The following SAXO1 variants were observed in gnomAD, a reference collection of about 807,000 sequenced individuals.
SAXO1 encodes 4930500O09Rik.
In SAXO1, 21 loss-of-function variants were observed where a neutral mutation model predicts 17.5. The observed-to-expected ratio is 1.20, with a 90% confidence interval of 0.85 to 1.72. SAXO1 has a LOEUF of 1.72. Ranked by LOEUF, SAXO1 falls within the 40% of genes most tolerant of loss-of-function variation. The pLI, the probability that SAXO1 is intolerant of heterozygous loss-of-function variation, is 0.00. For missense variants in SAXO1, 843 were observed against 596.0 expected (o/e 1.41, Z -4.32); for synonymous variants, 274 against 216.5 (o/e 1.27, Z -2.33).
rs535486604 is a variant in SAXO1 at position 19,002,616 on chromosome 9, C to T, written c.38+30255G>A. Among the ~76,000 whole-genome samples the T allele has an allele frequency of 2.0e-5, 3 of 152,314 alleles. No individual in the cohort carries two copies. The East Asian group carries it at 5.8e-4, about 29-fold the overall frequency. On this transcript the variant is annotated intron_variant, in intron 1 of 3. Transcript: ENST00000380534. The stretch of plus-strand genomic sequence containing the variant: ...AGGCAAATTAATAAATGCAATCCAT[C>T]ACATGAACAGAACCAAAGACAAAAA...
chr9:18,966,870 C>A (rs1365041357), intron 1 of SAXO1, among the ~76,000 whole-genome samples: 1 of 152,162 alleles, frequency 6.6e-6, no homozygotes, highest in African/African-American at 2.4e-5. Flanking sequence ...TCCTCCTTAC[C>A]TTCGTGGATT....
chr9:18,960,088 G>A (rs913506420), intron 1 of SAXO1, among the ~76,000 whole-genome samples: 1 of 152,236 alleles, frequency 6.6e-6, no homozygotes, highest in Non-Finnish European at 1.5e-5. Context: ...GCGGCTACTG[G>A]AGAGCACCTC....
chr9:18,984,422 C>T (rs1833514397), intron 1 of SAXO1, among the ~76,000 whole-genome samples: 1 of 152,180 alleles, frequency 6.6e-6, no homozygotes, highest in Admixed American at 6.5e-5. Flanking sequence ...ATAACTGTTT[C>T]ATCTACACTG....
At chr9:19,023,088 A>C (rs1313878466) in intron 1 of SAXO1, among the ~76,000 whole-genome samples, 1 of 152,090 alleles carries the variant, frequency 6.6e-6, no homozygotes, top group Non-Finnish European at 1.5e-5. Flanking sequence ...AAGTCTTTGC[A>C]AACCATTCTT....
At chr9:18,976,048 G>C (rs10963889) in intron 1 of SAXO1, among the ~76,000 whole-genome samples, 8,443 of 152,264 alleles carry the variant, frequency 0.055, 263 homozygotes, top group African/African-American at 0.087. Context: ...AAGGTAATCA[G>C]TCACAGTGCC....
At chr9:18,969,923 G>T (rs1210910075) in intron 1 of SAXO1, among the ~76,000 whole-genome samples, 1 of 152,230 alleles carries the variant, frequency 6.6e-6, no homozygotes, top group South Asian at 2.1e-4. Flanking sequence ...CAGGGCTAAT[G>T]CCTCTTTTGC....
chr9:18,962,806 G>C (rs1398931756), intron 1 of SAXO1, among the ~76,000 whole-genome samples: 1 of 152,156 alleles, frequency 6.6e-6, no homozygotes, highest in Non-Finnish European at 1.5e-5. Context: ...TCTTTAATTA[G>C]ATCCCATTTG....
intron 1 of SAXO1, among the ~76,000 whole-genome samples, chr9:19,044,592 G>A (rs966899837): frequency 1.2e-4 from 19 of 152,118 alleles, no homozygotes; most frequent in South Asian, 6.2e-4. Context: ...CGGCGGGCGC[G>A]GTAGCTCACG....
chr9:19,005,008 C>G (rs1320051780), intron 1 of SAXO1, among the ~76,000 whole-genome samples: 3 of 151,932 alleles, frequency 2.0e-5, no homozygotes, highest in Non-Finnish European at 4.4e-5. Context: ...CAATGACAAT[C>G]TGAAAATAAA....
At position 19,006,523 on chromosome 9, in the gene SAXO1, A is replaced by G. The variant is rs568163977; in HGVS notation, c.38+26348T>C. 9.2e-5 allele frequency among the ~76,000 whole-genome samples: 14 copies of G among 152,344 alleles called. No homozygotes were observed. The South Asian group carries it at 2.9e-3, about 32-fold the overall frequency. On this transcript the variant is annotated intron_variant, in intron 1 of 3. Transcript: ENST00000380534. ...AGTGAAATAAGCCGGTCACAACAGA[A>G]CAAATATTGTATGTCTCCACTTACG... is the stretch of plus-strand genomic sequence containing the variant.
chr9:18,956,653 ATCT>A (rs1318048397), intron 1 of SAXO1, among the ~76,000 whole-genome samples: 1 of 152,168 alleles, frequency 6.6e-6, no homozygotes, highest in Non-Finnish European at 1.5e-5. Context: ...CCGAACTTCA[ATCT>A]TCTCCTCTTT....
At chr9:19,032,794 G>T in intron 1 of SAXO1, 77 bp downstream of exon 1, 1 of 1,521,106 alleles carries the variant, frequency 6.6e-7, no homozygotes. Context: ...TGATGAAGCA[G>T]CTGGGGGAGG....
intron 1 of SAXO1, chr9:19,027,673 C>A: frequency 7.4e-7 from 1 of 1,359,540 alleles, no homozygotes; most frequent in Non-Finnish European, 1.1e-6. Flanking sequence ...AGAAAGCGCC[C>A]TCCATCATCT....
intron 2 of SAXO1, among the ~76,000 whole-genome samples, chr9:18,944,353 T>C (rs1171789549): frequency 2.0e-5 from 3 of 152,204 alleles, no homozygotes; most frequent in African/African-American, 7.2e-5. Context: ...GTTGAGAACA[T>C]TCACTGAAAC....
chr9:19,016,594 G>A (rs1415002198), intron 1 of SAXO1, among the ~76,000 whole-genome samples: 3 of 152,080 alleles, frequency 2.0e-5, no homozygotes, highest in Non-Finnish European at 2.9e-5. Context: ...AGGTGCCACT[G>A]GCATCCAGTG....
intron 1 of SAXO1, among the ~76,000 whole-genome samples, chr9:18,970,801 G>T (rs1387368200): frequency 2.6e-5 from 4 of 152,188 alleles, no homozygotes; most frequent in Non-Finnish European, 5.9e-5. Context: ...GGAAGTCCTG[G>T]AGTCCTCAAG....
At chr9:19,032,673 G>C (rs936786985) in intron 1 of SAXO1, among the ~76,000 whole-genome samples, 198 bp downstream of exon 1, 3 of 152,204 alleles carry the variant, frequency 2.0e-5, no homozygotes, top group Admixed American at 2.0e-4. Context: ...CAGAAGGCCC[G>C]AAAACAGCCA....
At chr9:19,006,012 C>A (rs1056441349) in intron 1 of SAXO1, among the ~76,000 whole-genome samples, 1 of 152,106 alleles carries the variant, frequency 6.6e-6, no homozygotes, top group Non-Finnish European at 1.5e-5. Flanking sequence ...GCAAAAAGGA[C>A]ATGAAAAGAT....
At chr9:18,993,342 A>G (rs1833884882) in intron 1 of SAXO1, among the ~76,000 whole-genome samples, 1 of 150,548 alleles carries the variant, frequency 6.6e-6, no homozygotes, top group Non-Finnish European at 1.5e-5. Flanking sequence ...CATTAAGAAC[A>G]TATTAAACAA....
Sources: gnomAD v4.1 joint callset for allele counts (sites outside exome capture counted in the v4.1 genomes callset) on GRCh38, gnomAD v4.1.1 for gene constraint, MANE v1.5 for transcripts, NCBI Gene and HGNC (gene_info 2026-07-23, HGNC 2026-07-21) for gene names.